Variants in CALN1 observed in about 807,000 individuals in gnomAD.
CALN1 encodes the protein calcium-binding protein 8.
In CALN1, 17 loss-of-function variants were observed where a neutral mutation model predicts 30.6. That is an observed-to-expected ratio of 0.56 (90% confidence interval 0.38 to 0.83). The LOEUF is 0.83. Among genes scored for constraint, CALN1 ranks in the 40% least tolerant of loss-of-function variants. The pLI is 0.00. For missense variants in CALN1, 291 were observed against 354.9 expected (o/e 0.82, Z 1.45); for synonymous variants, 156 against 131.4 (o/e 1.19, Z -1.28).
intron 3 of CALN1, among the ~76,000 whole-genome samples, chr7:72,184,936 T>C (rs1313656865): frequency 6.6e-6 from 1 of 152,016 alleles, no homozygotes; most frequent in East Asian, 1.9e-4. Context: ...GGACTACAGG[T>C]GCACATCAAC....
chr7:72,313,313 G>A lies in CALN1; in HGVS notation c.120-34503C>T, dbSNP rs542446866. Among the ~76,000 whole-genome samples, 39 of 151,586 alleles carry A rather than the reference G, an allele frequency of 2.6e-4. No individual in the cohort carries two copies. In the South Asian group the frequency reaches 7.7e-3, roughly 30 times the overall value. On this transcript the variant is annotated intron_variant, in intron 2 of 6. Transcript: ENST00000395275. ...TTTAGTAAGCATTATTGGGAAAATC[G>A]AAAAAACATTTGGAAAAAAATAACA...
At chr7:72,265,615 G>T (rs1237669872) in intron 3 of CALN1, among the ~76,000 whole-genome samples, 1 of 151,836 alleles carries the variant, frequency 6.6e-6, no homozygotes, top group Non-Finnish European at 1.5e-5. Context: ...AAAATGAAAG[G>T]TTCCCCAGGA....
At chr7:72,455,737 A>G in the CALN1 span, among the ~76,000 whole-genome samples, 1 of 152,126 alleles carries the variant, frequency 6.6e-6, no homozygotes, top group Non-Finnish European at 1.5e-5. Flanking sequence ...CTCCTGACCA[A>G]CAGAATGAGC....
chr7:71,921,774 C>G (rs1794957711), intron 5 of CALN1, among the ~76,000 whole-genome samples: 1 of 152,182 alleles, frequency 6.6e-6, no homozygotes, highest in Non-Finnish European at 1.5e-5. Context: ...GACACATAAT[C>G]TGTCCTTGGT....
At chr7:72,403,708 C>A (rs186105059) in intron 1 of CALN1, among the ~76,000 whole-genome samples, 1 of 152,180 alleles carries the variant, frequency 6.6e-6, no homozygotes, top group Non-Finnish European at 1.5e-5. Context: ...TTTTTCCATT[C>A]GTACCCCCGT....
At chr7:71,885,584 A>G (rs13239349) in intron 5 of CALN1, among the ~76,000 whole-genome samples, 19,151 of 152,270 alleles carry the variant, frequency 0.13, 1,784 homozygotes, top group East Asian at 0.43. Context: ...CTCATATTTG[A>G]CTCAGAATAA....
chr7:72,348,127 A>T (rs1252268038), intron 2 of CALN1, among the ~76,000 whole-genome samples: 1 of 152,224 alleles, frequency 6.6e-6, no homozygotes, highest in Non-Finnish European at 1.5e-5. Flanking sequence ...TCTCAAAGAA[A>T]AAAAAGAAAC....
intron 2 of CALN1, among the ~76,000 whole-genome samples, chr7:72,341,669 C>T (rs1421699721): frequency 3.3e-5 from 5 of 152,198 alleles, no homozygotes; most frequent in East Asian, 1.9e-4. Context: ...CCCTTCCTGC[C>T]TGCGTAAATT....
chr7:71,861,231 G>A (rs1373580273), intron 5 of CALN1, among the ~76,000 whole-genome samples: 2 of 152,018 alleles, frequency 1.3e-5, no homozygotes, highest in Non-Finnish European at 2.9e-5. Flanking sequence ...TAAGCTGACC[G>A]ATAAACATTA....
In CALN1 at chr7:72,209,109, CTCT is replaced by C. The variant is rs202114815; in HGVS notation, c.244+69574_244+69576del. Among the ~76,000 whole-genome samples, 88 of 137,466 alleles carry C rather than the reference CTCT, an allele frequency of 6.4e-4. No individual in the cohort carries two copies. The South Asian group carries it at 9.1e-3, about 14-fold the overall frequency. The allele number at this position is 137,466 out of a possible 152,430, so 90.2% of individuals were successfully genotyped here. A position where few individuals can be genotyped will look rare whatever the true frequency, so the allele number is the denominator to read the frequency against. On this transcript the variant is annotated intron_variant, in intron 3 of 6. Coordinates refer to ENST00000395275, the MANE Select transcript of CALN1 (RefSeq NM_031468.4). Reference sequence around the variant, plus strand: ...TTCCCTCCTTTCTTGTGTCATTTCTCTCTTTTTTACTCCTTCCTTCTCTCCCTC... The same window carrying C: ...TTCCCTCCTTTCTTGTGTCATTTCTCTTTTTACTCCTTCCTTCTCTCCCTC...
Position 72,365,395 on chromosome 7 carries a change from AAAC to A in CALN1, c.119+37853_119+37855del, listed in dbSNP as rs1382280480. Among the ~76,000 whole-genome samples the A allele has an allele frequency of 3.9e-5, 6 of 152,174 alleles. No homozygotes were observed. In the South Asian group the frequency reaches 1.0e-3, roughly 26 times the overall value. On this transcript the variant is annotated intron_variant, in intron 2 of 6. Transcript: ENST00000395275. The stretch of plus-strand genomic sequence containing the variant: ...TACAGAACTTATAAATCAGTGGGGA[AAAC>A]AACAATAAACAACTAGCAAAGTGCA...
chr7:72,402,642 C>T lies in CALN1; in HGVS notation c.119+609G>A, dbSNP rs117925583. The stretch of plus-strand genomic sequence containing the variant: ...GGTCTCCGAGGAAAAGAAAAAAGAG[C>T]AAGATCAAAAACCCAGGGAGGCCTG... On this transcript the variant is annotated intron_variant, in intron 2 of 6. Transcript: ENST00000395275. 6.2e-4 allele frequency among the ~76,000 whole-genome samples: 94 copies of T among 152,244 alleles called. 1 individual carries two copies. In the East Asian group the frequency reaches 0.015, roughly 24 times the overall value.
At chr7:72,420,234 A>G (rs1342004936) in intron 1 of CALN1, among the ~76,000 whole-genome samples, 1 of 152,108 alleles carries the variant, frequency 6.6e-6, no homozygotes, top group Non-Finnish European at 1.5e-5. Context: ...AACTTGGGAA[A>G]AGAAGGACAG....
At chr7:72,323,620 G>A (rs577457423) in intron 2 of CALN1, among the ~76,000 whole-genome samples, 25 of 147,866 alleles carry the variant, frequency 1.7e-4, no homozygotes, top group South Asian at 6.4e-4. Context: ...CTGAGATCAC[G>A]CCACAGCACT....
chr7:71,938,781 C>T (rs906817626), intron 5 of CALN1, among the ~76,000 whole-genome samples: 1 of 152,080 alleles, frequency 6.6e-6, no homozygotes, highest in African/African-American at 2.4e-5. Flanking sequence ...TAGAACGAAA[C>T]TCTGTCTGAA....
intron 3 of CALN1, among the ~76,000 whole-genome samples, chr7:72,110,416 C>G (rs1358497200): frequency 6.6e-6 from 1 of 152,240 alleles, no homozygotes. Flanking sequence ...CCTTGAATGC[C>G]TGTGGCTTAC....
Position 72,154,338 on chromosome 7 carries a change from G to A in CALN1, c.245-48044C>T, listed in dbSNP as rs75174519. On this transcript the variant is annotated intron_variant, in intron 3 of 6. Transcript: ENST00000395275. The stretch of plus-strand genomic sequence containing the variant: ...AACTTGAACTTAACTCTCAAAGCTC[G>A]CCATCTACATGTCTGACGACTGGCC... 8.3e-3 allele frequency among the ~76,000 whole-genome samples: 1,259 copies of A among 152,152 alleles called. 20 individuals are homozygous for A. The highest frequency in any genetic ancestry group is 0.028 in the African/African-American group (1,152 of 41,502).
At chr7:72,179,062 A>ATCC (rs1481595762) in intron 3 of CALN1, among the ~76,000 whole-genome samples, 4 of 151,996 alleles carry the variant, frequency 2.6e-5, no homozygotes, top group Admixed American at 6.6e-5. Context: ...TAAAACTTAG[A>ATCC]TATTTTCTCA....
At chr7:71,990,966 ATC>A (rs1689364913) in intron 5 of CALN1, among the ~76,000 whole-genome samples, 1 of 151,802 alleles carries the variant, frequency 6.6e-6, no homozygotes, top group Non-Finnish European at 1.5e-5. Context: ...CAACATTAGA[ATC>A]TCTCTAAATC....
Sources: allele counts gnomAD v4.1 joint callset (sites outside exome capture counted in the v4.1 genomes callset), GRCh38; gene constraint gnomAD v4.1.1; transcripts MANE v1.5; gene names NCBI Gene and HGNC (gene_info 2026-07-23, HGNC 2026-07-21).